Variants in GPHN observed in about 807,000 individuals in gnomAD.
The protein encoded by GPHN is gephyrin.
A neutral mutation model predicts 95.5 loss-of-function variants in GPHN; 17 were observed. That is an observed-to-expected ratio of 0.18 (90% CI 0.12 to 0.27). GPHN has a LOEUF of 0.27. Among genes scored for constraint, GPHN ranks in the 10% least tolerant of loss-of-function variants. The probability of loss-of-function intolerance (pLI) is 1.00; values close to 1 mark genes in which losing one functional copy is unlikely to be tolerated. For missense variants in GPHN, 660 were observed against 978.1 expected (o/e 0.67, Z 4.34); for synonymous variants, 320 against 322.5 (o/e 0.99, Z 0.08).
At chr14:67,031,263 T>G (rs2074184233) in intron 10 of GPHN, among the ~76,000 whole-genome samples, 1 of 152,238 alleles carries the variant, frequency 6.6e-6, no homozygotes, top group South Asian at 2.1e-4. Context: ...TTATCTTTTT[T>G]ATTATTCCCA....
chr14:67,187,614 C>G, the GPHN span, among the ~76,000 whole-genome samples: 505 of 152,316 alleles, frequency 3.3e-3, 2 homozygotes, highest in Non-Finnish European at 5.0e-3. Flanking sequence ...AGATGAAGTC[C>G]CAGCACCTAG....
chr14:66,821,665 G>A (rs1266159600), intron 3 of GPHN, among the ~76,000 whole-genome samples: 2 of 152,310 alleles, frequency 1.3e-5, no homozygotes, highest in South Asian at 2.1e-4. Context: ...GGTGGGTGAG[G>A]AAGAATTCTT....
At chr14:67,601,191 A>T in the GPHN span, among the ~76,000 whole-genome samples, 1 of 152,198 alleles carries the variant, frequency 6.6e-6, no homozygotes, top group African/African-American at 2.4e-5. Flanking sequence ...ACTGAGTTAC[A>T]AGGGTGACGA....
chr14:67,399,566 G>C, the GPHN span, among the ~76,000 whole-genome samples: 3 of 141,728 alleles, frequency 2.1e-5, no homozygotes, highest in South Asian at 4.7e-4. Context: ...TTAGGTGGCT[G>C]TCAGGTGGCA....
At chr14:66,545,708 C>T (rs1266295971) in intron 1 of GPHN, among the ~76,000 whole-genome samples, 5 of 141,320 alleles carry the variant, frequency 3.5e-5, no homozygotes, top group South Asian at 4.6e-4. Context: ...CCTCACCTCC[C>T]GGACGGGGTG....
chr14:66,642,860 A>G lies in GPHN; in HGVS notation c.65-38247A>G, dbSNP rs191715226. 3.4e-3 allele frequency among the ~76,000 whole-genome samples: 524 copies of G among 152,160 alleles called. 1 individual carries two copies. Among genetic ancestry groups the G allele is most frequent in the Non-Finnish European group, 3.9e-3 (263 of 67,982 alleles). ...CCATTTTAGGTACATCATAGATCCA[A>G]CTATGAAAGATTTAAAAAATAAAGC... On this transcript the variant is annotated intron_variant, in intron 1 of 22. Transcript: ENST00000478722.
At chr14:66,580,165 T>C (rs981151547) in intron 1 of GPHN, among the ~76,000 whole-genome samples, 5 of 151,742 alleles carry the variant, frequency 3.3e-5, no homozygotes, top group African/African-American at 1.2e-4. Context: ...AACAATACCT[T>C]GACACTAATG....
chr14:67,583,835 G>C, the GPHN span: 1 of 1,613,472 alleles, frequency 6.2e-7, no homozygotes, highest in Non-Finnish European at 8.5e-7. Flanking sequence ...GTCCTAGACA[G>C]GTTCCACCCC....
chr14:67,262,420 T>G, the GPHN span, among the ~76,000 whole-genome samples: 3 of 152,162 alleles, frequency 2.0e-5, no homozygotes, highest in African/African-American at 7.2e-5. Flanking sequence ...GGTTCCATAA[T>G]TCTCCCAGAC....
chr14:67,525,654 C>G, the GPHN span, among the ~76,000 whole-genome samples: 1 of 152,222 alleles, frequency 6.6e-6, no homozygotes. Flanking sequence ...ATTCTTCCCT[C>G]TATAAATGGC....
chr14:67,478,329 T>C, the GPHN span, among the ~76,000 whole-genome samples: 4 of 152,248 alleles, frequency 2.6e-5, no homozygotes, highest in Non-Finnish European at 5.9e-5. Context: ...CCAAGTCAGC[T>C]ACTAACTCCC....
chr14:66,797,468 G>T (rs1413094280), intron 3 of GPHN, among the ~76,000 whole-genome samples: 1 of 151,736 alleles, frequency 6.6e-6, no homozygotes, highest in Non-Finnish European at 1.5e-5. Flanking sequence ...CCATGAACAT[G>T]GAATATGTTT....
chr14:67,199,060 C>T, the GPHN span: 1 of 810,054 alleles, frequency 1.2e-6, no homozygotes, highest in Non-Finnish European at 2.1e-6. Flanking sequence ...AGCTCTTTTG[C>T]CATGGCTACC....
chr14:67,203,540 A>G, the GPHN span, among the ~76,000 whole-genome samples: 160 of 152,266 alleles, frequency 1.1e-3, no homozygotes, highest in African/African-American at 3.6e-3. Context: ...ATAATAAACT[A>G]CCTTTCTAGA....
At chr14:67,226,392 C>T in the GPHN span, among the ~76,000 whole-genome samples, 2 of 146,698 alleles carry the variant, frequency 1.4e-5, no homozygotes, top group Non-Finnish European at 3.0e-5. Flanking sequence ...GACGGAGTCT[C>T]GCTCTGTCAC....
chr14:66,920,619 T>TG (rs1444714556), intron 6 of GPHN, among the ~76,000 whole-genome samples: 1 of 151,724 alleles, frequency 6.6e-6, no homozygotes, highest in African/African-American at 2.4e-5. Context: ...CATAAGTTAT[T>TG]GGGGTACAGG....
intron 9 of GPHN, among the ~76,000 whole-genome samples, chr14:66,993,028 A>G (rs144508040): frequency 9.3e-4 from 141 of 152,254 alleles, no homozygotes; most frequent in African/African-American, 3.2e-3. Context: ...AGTGTGTCAA[A>G]ATAACGTTGA....
chr14:67,257,184 C>T, the GPHN span, among the ~76,000 whole-genome samples: 1 of 152,140 alleles, frequency 6.6e-6, no homozygotes, highest in East Asian at 1.9e-4. Flanking sequence ...ATCAGTCTTT[C>T]ACTGAATACA....
chr14:66,705,567 C>T (rs980580153), intron 2 of GPHN, among the ~76,000 whole-genome samples: 7 of 152,158 alleles, frequency 4.6e-5, no homozygotes, highest in African/African-American at 1.7e-4. Context: ...ACAAAACGCA[C>T]ATAATTATCT....
Sources: gnomAD v4.1 joint callset for allele counts (sites outside exome capture counted in the v4.1 genomes callset) on GRCh38, gnomAD v4.1.1 for gene constraint, MANE v1.5 for transcripts, NCBI Gene and HGNC (gene_info 2026-07-23, HGNC 2026-07-21) for gene names.